LRRC32: variants seen among roughly 807,000 people sequenced by gnomAD.
LRRC32 encodes the protein leucine rich repeat containing 32.
LRRC32 carries 5 observed loss-of-function variants against 15.0 expected under a neutral mutation model. The ratio of observed to expected loss-of-function variants is 0.33; its 90% CI spans 0.17 to 0.70. LRRC32 has a LOEUF of 0.70. LRRC32 is among the 30% of genes least tolerant of loss of function. The probability of loss-of-function intolerance (pLI) is 0.66; values close to 1 mark genes in which losing one functional copy is unlikely to be tolerated. For missense variants in LRRC32, 803 were observed against 854.2 expected, an observed-to-expected ratio of 0.94 and a Z score of 0.75; for synonymous variants, 391 against 403.9, an observed-to-expected ratio of 0.97 and a Z score of 0.38.
chr11:76,664,525 A>C (rs1038381012), intron 2 of LRRC32, among the ~76,000 whole-genome samples: 9 of 152,084 alleles, frequency 5.9e-5, no homozygotes, highest in Non-Finnish European at 1.2e-4. Context: ...ATCCAACTCC[A>C]TTTCACCACC....
intron 1 of LRRC32, among the ~76,000 whole-genome samples, chr11:76,668,124 G>A (rs1333451172): frequency 2.6e-5 from 4 of 151,798 alleles, no homozygotes; most frequent in Non-Finnish European, 5.9e-5. Context: ...GGTCAGCAGC[G>A]GACAGAAAAC....
chr11:76,661,374 T>C lies in LRRC32; in HGVS notation c.219A>G (p.Thr73=), dbSNP rs3740778. 1,409,120 of 1,614,068 alleles carry C rather than the reference T, an allele frequency of 0.87. 616,823 individuals are homozygous for C. The highest frequency in any genetic ancestry group is 0.98 in the African/African-American group (73,209 of 75,036). Residue 73 remains threonine, a synonymous_variant, in exon 3 of 3, where the codon ACA becomes ACG. Transcript: ENST00000260061. The part of the protein sequence containing the change: ...SILASPLGFY[T]ALRHLDLSTN... ...TGCTCAGGTCCAGGTGACGAAGTGC[T>C]GTGTAGAAGCCCAGGGGTGAGGCCA... is the stretch of plus-strand genomic sequence containing the variant.
chr11:76,660,936 C>T lies in LRRC32; in HGVS notation c.657G>A (p.Gln219=). 1 of 1,614,188 alleles carries T rather than the reference C, an allele frequency of 6.2e-7. No individual in the cohort carries two copies. The highest frequency in any genetic ancestry group is 8.5e-7 in the Non-Finnish European group (1 of 1,180,038). ...LTCISDFSLQ[Q]LRVLDLSCNS... Reference sequence around the variant, plus strand: ...TGCAGCTCAGGTCTAGCACCCGCAGCTGCTGGAGGCTGAAGTCGGAGATGC... The same window carrying T: ...TGCAGCTCAGGTCTAGCACCCGCAGTTGCTGGAGGCTGAAGTCGGAGATGC... The change falls in exon 3 of 3, where the codon CAG becomes CAA. Residue 219 remains glutamine (Q), a synonymous_variant. Transcript: ENST00000260061.
At chr11:76,666,102 G>T in intron 1 of LRRC32, 144 bp from the exon 2 acceptor site, 2 of 701,720 alleles carry the variant, frequency 2.9e-6, no homozygotes, top group Non-Finnish European at 2.4e-6. Context: ...TTTGAGCAGG[G>T]CAGAGAGCCA....
At chr11:76,662,588 A>G (rs1354257807) in intron 2 of LRRC32, 1 of 152,174 alleles carries the variant, frequency 6.6e-6, no homozygotes, top group Non-Finnish European at 1.5e-5. Flanking sequence ...TGGGACCAAA[A>G]TTCTTCCTGT....
intron 2 of LRRC32, among the ~76,000 whole-genome samples, chr11:76,661,845 A>C (rs1952541166): frequency 6.6e-6 from 1 of 152,216 alleles, no homozygotes; most frequent in Admixed American, 6.5e-5. Context: ...CTCTTACAGG[A>C]AACAGCCATA....
chr11:76,666,080 G>C, intron 1 of LRRC32, 122 bp from the exon 2 acceptor site: 1 of 840,586 alleles, frequency 1.2e-6, no homozygotes, highest in South Asian at 1.6e-5. Flanking sequence ...GCTGGAGCTG[G>C]AATAAAGATG....
Position 76,659,562 on chromosome 11 carries a change from A to T in LRRC32, c.*42T>A. The T allele has an allele frequency of 6.3e-7, 1 of 1,586,886 alleles. No homozygotes were observed. Among genetic ancestry groups the T allele is most frequent in the South Asian group, 1.2e-5 (1 of 86,758 alleles). On this transcript the variant is annotated 3_prime_UTR_variant, in exon 3 of 3. Transcript: ENST00000260061. The stretch of plus-strand genomic sequence containing the variant: ...TGAGTCAGTCCTCACTCTTCTCTGT[A>T]CCTCAGGCTCCCCCACTGACCTAGA...
intron 1 of LRRC32, among the ~76,000 whole-genome samples, chr11:76,668,451 G>T (rs1952660136): frequency 6.6e-6 from 1 of 151,914 alleles, no homozygotes; most frequent in Admixed American, 6.6e-5. Flanking sequence ...GAAAATCCAG[G>T]CTATCCACAG....
intron 2 of LRRC32, among the ~76,000 whole-genome samples, chr11:76,662,248 C>T (rs1410725186): frequency 6.6e-6 from 1 of 152,162 alleles, no homozygotes; most frequent in Non-Finnish European, 1.5e-5. Context: ...AAAAGATGGC[C>T]AGAGCCAAAT....
chr11:76,664,164 T>C (rs988320008), intron 2 of LRRC32, among the ~76,000 whole-genome samples: 3 of 152,176 alleles, frequency 2.0e-5, no homozygotes, highest in Admixed American at 2.0e-4. Flanking sequence ...CCCTGAGACT[T>C]GATCCAGGAC....
chr11:76,660,798 C>T lies in LRRC32; in HGVS notation c.795G>A (p.Pro265=), dbSNP rs771821557. The change falls in exon 3 of 3, where the codon CCG becomes CCA. Residue 265 remains proline (P), a synonymous_variant. Transcript: ENST00000260061. The part of the protein sequence containing the change: ...LLHFPDLAAL[P]RLIYLNLSNN... ...TGGACAAGTTCAGGTAGATGAGTCT[C>T]GGGAGCGCGGCCAGGTCGGGGAAAT... 7.4e-6 allele frequency: 12 copies of T among 1,613,954 alleles called. No individual in the cohort carries two copies. In the East Asian group the frequency reaches 1.3e-4, roughly 18 times the overall value.
rs1456760385 is a variant in LRRC32 at position 76,658,183 on chromosome 11, T to C, written c.*1421A>G. 1 of 152,408 alleles carries C rather than the reference T, an allele frequency of 6.6e-6. No individual in the cohort carries two copies. The highest frequency in any genetic ancestry group is 1.5e-5 in the Non-Finnish European group (1 of 68,126). 9.4% of individuals were successfully genotyped at this position (152,408 alleles called of 1,614,324 possible). A position where few individuals can be genotyped will look rare whatever the true frequency, so the allele number is the denominator to read the frequency against. ...CACCCCACAAATAAGGGCTCTTTTT[T>C]CCCCCAGAGGCTCTGTATAAGCTCT... On this transcript the variant is annotated 3_prime_UTR_variant, in exon 3 of 3. Transcript: ENST00000260061.
chr11:76,665,803 G>T, intron 2 of LRRC32, 68 bp downstream of exon 2: 2 of 1,598,138 alleles, frequency 1.3e-6, no homozygotes, highest in Non-Finnish European at 1.7e-6. Context: ...TCTGGGGCTG[G>T]GGCACTAGCA....
Position 76,659,897 on chromosome 11 carries a change from G to A in LRRC32, c.1696C>T (p.Leu566Phe). ...CTGAGTGGATTCCCCTGCAGGTAGA[G>A]GCGCCGGAGGCTGGTCTCCAGGCCA... ...MGGLETSLRR[L>F]YLQGNPLSCC... Residue 566 changes from leucine to phenylalanine, a missense_variant, in exon 3 of 3, where the codon CTC becomes TTC. Transcript: ENST00000260061. 1 of 1,613,810 alleles carries A rather than the reference G, an allele frequency of 6.2e-7. No homozygotes were observed. Among genetic ancestry groups the A allele is most frequent in the Non-Finnish European group, 8.5e-7 (1 of 1,179,972 alleles).
rs1205374153 is a variant in LRRC32, at chr11:76,666,024, C to A, written c.-4-66G>T. 20 of 1,427,738 alleles carry A rather than the reference C, an allele frequency of 1.4e-5. No individual in the cohort carries two copies. The South Asian group carries it at 2.2e-4, about 16-fold the overall frequency. The allele number at this position is 1,427,738 out of a possible 1,614,324, so 88.4% of individuals were successfully genotyped here. A position where few individuals can be genotyped will look rare whatever the true frequency, so the allele number is the denominator to read the frequency against. ...CTGGCTCCTTCCCACTGCCAGCCCC[C>A]ACTCCCACCCATTCTGTGCCTGCCC... On this transcript the variant is annotated intron_variant, in intron 1 of 2. Transcript: ENST00000260061.
Position 76,660,489 on chromosome 11 carries a change from A to G in LRRC32, c.1104T>C (p.Leu368=), listed in dbSNP as rs756801991. ...RLGSLPCLML[L]DLSHNALETL... Reference sequence around the variant, plus strand: ...TCTCCAGGGCATTGTGGCTTAAGTCAAGGAGCATCAGGCAGGGCAGGGAGC... The same window carrying G: ...TCTCCAGGGCATTGTGGCTTAAGTCGAGGAGCATCAGGCAGGGCAGGGAGC... Residue 368 remains leucine, a synonymous_variant, in exon 3 of 3, where the codon CTT becomes CTC. Transcript: ENST00000260061. 4.3e-6 allele frequency: 7 copies of G among 1,613,934 alleles called. No homozygotes were observed. The Admixed American group carries it at 1.2e-4, about 27-fold the overall frequency.
rs1156789160 is a variant in LRRC32, at chr11:76,658,647, C to G, written c.*957G>C. On this transcript the variant is annotated 3_prime_UTR_variant, in exon 3 of 3. Coordinates refer to ENST00000260061, the MANE Select transcript of LRRC32 (RefSeq NM_001128922.2). ...AACTTCAGTTTCCTCTTTTATAAAACGGGGATAAAATATAGAGCTGTCACA... is the reference window on the plus strand; with the variant it reads ...AACTTCAGTTTCCTCTTTTATAAAAGGGGGATAAAATATAGAGCTGTCACA... The G allele has an allele frequency of 6.6e-6, 1 of 152,634 alleles. No individual in the cohort carries two copies. The highest frequency in any genetic ancestry group is 6.5e-5 in the Admixed American group (1 of 15,286). 9.5% of individuals were successfully genotyped at this position (152,634 alleles called of 1,614,324 possible).
chr11:76,660,104 C>T lies in LRRC32; in HGVS notation c.1489G>A (p.Ala497Thr). The T allele has an allele frequency of 6.2e-7, 1 of 1,613,852 alleles. No homozygotes were observed. Among genetic ancestry groups the T allele is most frequent in the South Asian group, 1.1e-5 (1 of 91,068 alleles). The stretch of plus-strand genomic sequence containing the variant: ...ACCATCAGCCCGTTGCCCTGCAGTG[C>T]CAGGACCTCCAAGGAGGCCTCCAGG... Reference protein sequence around the residue: ...GGLEASLEVLALQGNGLMVLQ... With the variant: ...GGLEASLEVLTLQGNGLMVLQ... The change falls in exon 3 of 3, where the codon GCA (alanine) becomes ACA (threonine). Residue 497 changes from alanine (A) to threonine (T), a missense_variant. Transcript: ENST00000260061.
Sources: allele counts gnomAD v4.1 joint callset (sites outside exome capture counted in the v4.1 genomes callset), GRCh38; gene constraint gnomAD v4.1.1; transcripts MANE v1.5; gene names NCBI Gene and HGNC (gene_info 2026-07-23, HGNC 2026-07-21).